Variants in CREBBP observed in about 807,000 individuals in gnomAD.
CREBBP encodes the protein CREB binding lysine acetyltransferase.
CREBBP carries 19 observed loss-of-function variants against 265.0 expected under a neutral mutation model. That is an observed-to-expected ratio of 0.07 (90% CI 0.05 to 0.11). The LOEUF is 0.11. Ranked by LOEUF, CREBBP falls within the 10% of genes least tolerant of loss-of-function variation. The pLI, the probability that CREBBP is intolerant of heterozygous loss-of-function variation, is 1.00. For synonymous variants in CREBBP, 1,457 were observed against 1,223.7 expected (o/e 1.19, Z -3.98); for missense variants, 2,525 against 3,219.0 (o/e 0.78, Z 5.22).
Position 3,770,776 on chromosome 16 carries a change from C to T in CREBBP, c.2674G>A (p.Val892Met). ...PAAPTQPSTP[V>M]SSSGQTPTPT... ...GTGGGAGTCTGCCCGGAAGACGACA[C>T]AGGAGTTGATGGCTGAGTGGGAGCT... The change falls in exon 14 of 31, where the codon GTG becomes ATG. Residue 892 changes from valine (V) to methionine (M), a missense_variant. Transcript: ENST00000262367. 3 of 1,614,068 alleles carry T rather than the reference C, an allele frequency of 1.9e-6. No homozygotes were observed. The highest frequency in any genetic ancestry group is 2.5e-6 in the Non-Finnish European group (3 of 1,180,018).
chr16:3,761,697 T>C (rs938553193), intron 16 of CREBBP: 5 of 444,424 alleles, frequency 1.1e-5, no homozygotes, highest in Admixed American at 4.9e-5. Context: ...ACGCACACGG[T>C]CCCCAGCACT....
intron 2 of CREBBP, among the ~76,000 whole-genome samples, chr16:3,818,409 G>A (rs1419493165): frequency 2.0e-5 from 3 of 148,060 alleles, no homozygotes; most frequent in East Asian, 4.0e-4. Flanking sequence ...CCTGGTTCAA[G>A]CGATTCTCCC....
intron 1 of CREBBP, among the ~76,000 whole-genome samples, chr16:3,859,021 C>T (rs2055019165): frequency 6.6e-6 from 1 of 152,190 alleles, no homozygotes; most frequent in South Asian, 2.1e-4. Flanking sequence ...TTCTCTCTCA[C>T]ATCCCTATTT....
Position 3,814,215 on chromosome 16 carries a change from C to CTG in CREBBP, c.799-3438_799-3437dup, listed in dbSNP as rs6145729. Among the ~76,000 whole-genome samples the CTG allele has an allele frequency of 3.0e-3, 308 of 104,042 alleles. 1 individual carries two copies. The highest frequency in any genetic ancestry group is 3.7e-3 in the Non-Finnish European group (185 of 50,180). The allele number at this position is 104,042 out of a possible 152,430, so 68.3% of individuals were successfully genotyped here. Reference sequence around the variant, plus strand: ...TGTGTGTTTGAGACAGAGTCTCGTTCTGTGTGTGTGTGTGTGTGTGTGTGT... The same window carrying CTG: ...TGTGTGTTTGAGACAGAGTCTCGTTCTGTGTGTGTGTGTGTGTGTGTGTGTGT... On this transcript the variant is annotated intron_variant, in intron 2 of 30. Transcript: ENST00000262367.
Position 3,729,962 on chromosome 16 carries a change from T to A in CREBBP, c.5173-88A>T, listed in dbSNP as rs1567263896. ...GGCTGCTTCCCTCCACCGCTAAGTC[T>A]GGGTCTGTGCCAGGAGACCCAGGCA... On this transcript the variant is annotated intron_variant, in intron 30 of 30. Transcript: ENST00000262367. The A allele has an allele frequency of 3.2e-6, 5 of 1,557,016 alleles. No individual in the cohort carries two copies. The Admixed American group carries it at 9.5e-5, about 30-fold the overall frequency.
intron 3 of CREBBP, among the ~76,000 whole-genome samples, chr16:3,798,682 C>T (rs920897549): frequency 3.9e-5 from 6 of 152,318 alleles, no homozygotes; most frequent in Non-Finnish European, 8.8e-5. Context: ...TAACCAATAG[C>T]AACAGGGTGG....
chr16:3,864,954 G>C (rs1475036406), intron 1 of CREBBP, among the ~76,000 whole-genome samples: 1 of 152,146 alleles, frequency 6.6e-6, no homozygotes, highest in Non-Finnish European at 1.5e-5. Context: ...GTAATCCCAG[G>C]AGGCTGAGGC....
At position 3,741,029 on chromosome 16, in the gene CREBBP, G is replaced by A. The variant is rs189589308; in HGVS notation, c.3983-480C>T. The A allele has an allele frequency of 1.0e-4, 24 of 229,270 alleles. No individual in the cohort carries two copies. The East Asian group carries it at 1.3e-3, about 12-fold the overall frequency. 14.2% of individuals were successfully genotyped at this position (229,270 alleles called of 1,614,324 possible). ...ATTAAGCTCTGGCCAGAGCCTGTCC[G>A]GTGCCTCAGGAGCTGGCAAAGTATT... On this transcript the variant is annotated intron_variant, in intron 23 of 30. Transcript: ENST00000262367.
chr16:3,737,933 T>G (rs2052109023), intron 26 of CREBBP, among the ~76,000 whole-genome samples: 1 of 151,544 alleles, frequency 6.6e-6, no homozygotes, highest in Admixed American at 6.6e-5. Context: ...GATTACAGGC[T>G]CATGCTACTA....
intron 2 of CREBBP, among the ~76,000 whole-genome samples, chr16:3,814,385 G>A (rs887880883): frequency 2.6e-5 from 4 of 152,222 alleles, no homozygotes; most frequent in Admixed American, 2.6e-4. Flanking sequence ...CTCCCAAGTA[G>A]TTGAGTTCAC....
chr16:3,736,845 A>C (rs2151330381), intron 26 of CREBBP, 30 bp from the exon 27 acceptor site: 1 of 1,613,766 alleles, frequency 6.2e-7, no homozygotes, highest in Non-Finnish European at 8.5e-7. Context: ...ACGTCAGATG[A>C]ACGTGCCAGT....
intron 1 of CREBBP, among the ~76,000 whole-genome samples, chr16:3,858,554 G>A (rs2055009626): frequency 6.6e-6 from 1 of 152,178 alleles, no homozygotes; most frequent in Non-Finnish European, 1.5e-5. Context: ...TCTACTCAGT[G>A]CCTAGCATAA....
intron 4 of CREBBP, 131 bp from the exon 5 acceptor site, chr16:3,792,225 C>G: frequency 1.2e-6 from 1 of 812,934 alleles, no homozygotes; most frequent in South Asian, 1.4e-5. Flanking sequence ...TATAGGCAGT[C>G]CTCAACTTAC....
chr16:3,845,423 T>C (rs1331022245), intron 2 of CREBBP, among the ~76,000 whole-genome samples: 4 of 152,154 alleles, frequency 2.6e-5, no homozygotes, highest in Admixed American at 1.3e-4. Flanking sequence ...CCAAATCCTA[T>C]ATGTTTGAAA....
At position 3,751,577 on chromosome 16, in the gene CREBBP, T is replaced by TGA. The variant is rs1453492834; in HGVS notation, c.3779+147_3779+148dup. 4 of 761,040 alleles carry TGA rather than the reference T, an allele frequency of 5.3e-6. No individual in the cohort carries two copies. The East Asian group carries it at 1.1e-4, about 20-fold the overall frequency. 47.1% of individuals were successfully genotyped at this position (761,040 alleles called of 1,614,324 possible). On this transcript the variant is annotated intron_variant, in intron 20 of 30. Coordinates refer to ENST00000262367, the MANE Select transcript of CREBBP (RefSeq NM_004380.3). ...ACTGCACACCACCCAGGTGACAGAA[T>TGA]GAGAACCTGTCTCAAAAACAAAAAA...
intron 26 of CREBBP, 65 bp downstream of exon 26, chr16:3,738,494 G>A (rs879247557): frequency 1.0e-5 from 10 of 965,802 alleles, no homozygotes; most frequent in Admixed American, 1.9e-5. Context: ...ATTATTTCAC[G>A]GAATAAACAT....
At chr16:3,753,983 C>T (rs1596844533) in intron 19 of CREBBP, among the ~76,000 whole-genome samples, 1 of 152,228 alleles carries the variant, frequency 6.6e-6, no homozygotes, top group East Asian at 1.9e-4. Flanking sequence ...GAACCATAAA[C>T]CCATCCTTCC....
intron 2 of CREBBP, among the ~76,000 whole-genome samples, chr16:3,844,781 T>C (rs1389347761): frequency 1.3e-5 from 2 of 152,170 alleles, no homozygotes; most frequent in Non-Finnish European, 2.9e-5. Flanking sequence ...AGCGTATACA[T>C]AACATCTTTC....
At chr16:3,856,065 A>C (rs2054955629) in intron 1 of CREBBP, among the ~76,000 whole-genome samples, 1 of 152,232 alleles carries the variant, frequency 6.6e-6, no homozygotes, top group Non-Finnish European at 1.5e-5. Context: ...AATATATACA[A>C]TCACATGTCA....
Sources: allele counts gnomAD v4.1 joint callset (sites outside exome capture counted in the v4.1 genomes callset), GRCh38; gene constraint gnomAD v4.1.1; transcripts MANE v1.5; gene names NCBI Gene and HGNC (gene_info 2026-07-23, HGNC 2026-07-21).